The following TEX13D variants were observed in gnomAD, a reference collection of about 807,000 sequenced individuals.
TEX13D encodes the protein testis-expressed protein 13D.
For missense variants in TEX13D, 261 were observed against 265.8 expected, an observed-to-expected ratio of 0.98 and a Z score of 0.12; for synonymous variants, 115 against 104.5, an observed-to-expected ratio of 1.10 and a Z score of -0.61.
Position 124,333,889 on chromosome X carries a change from C to T in TEX13D, c.972C>T (p.Leu324=). The change falls in exon 1 of 1, where the codon CTC becomes CTT. Residue 324 remains leucine, a synonymous_variant. Coordinates refer to ENST00000632372, the MANE Select transcript of TEX13D (RefSeq NM_001355534.2). The stretch of plus-strand genomic sequence containing the variant: ...CAGAGAGGTCCCAAAGAATGCCCCT[C>T]CCCGGGGACAGTGGGTGCCACAACC... ...EGSERSQRMP[L]PGDSGCHNPL... 1 of 345,373 alleles carries T rather than the reference C, an allele frequency of 2.9e-6. No homozygotes were observed. The highest frequency in any genetic ancestry group is 4.7e-5 in the East Asian group (1 of 21,265). The allele number at this position is 345,373 out of a possible 1,213,427, so 28.5% of individuals were successfully genotyped here.
chrX:124,332,884 C>G lies in TEX13D; in HGVS notation c.-34C>G, dbSNP rs371283327. 1 of 348,649 alleles carries G rather than the reference C, an allele frequency of 2.9e-6. No individual in the cohort carries two copies. The highest frequency in any genetic ancestry group is 2.7e-5 in the African/African-American group (1 of 37,343). The allele number at this position is 348,649 out of a possible 1,213,427, so 28.7% of individuals were successfully genotyped here. A position where few individuals can be genotyped will look rare whatever the true frequency, so the allele number is the denominator to read the frequency against. On this transcript the variant is annotated 5_prime_UTR_variant, in exon 1 of 1. Coordinates refer to ENST00000632372, the MANE Select transcript of TEX13D (RefSeq NM_001355534.2). ...GGCGGCAGCAGCTGAGGCGACGCAC[C>G]GTGAGGCAGCTGCTTGACTAGGCCA...
In TEX13D at chrX:124,336,640, CT is replaced by C. The variant is rs2059973680; in HGVS notation, c.*1579del. On this transcript the variant is annotated 3_prime_UTR_variant, in exon 1 of 1. Transcript: ENST00000632372. ...GGGGCGAGCACTCTTGGGAATGCCC[CT>C]GGACCCTTCCTCTTTGGCGTGTTCT... The C allele has an allele frequency of 1.8e-5, 2 of 111,792 alleles. No homozygotes were observed. Among genetic ancestry groups the C allele is most frequent in the Admixed American group, 1.9e-4 (2 of 10,633 alleles). The allele number at this position is 111,792 out of a possible 1,213,427, so 9.2% of individuals were successfully genotyped here.
Position 124,333,260 on chromosome X carries a change from C to T in TEX13D, c.343C>T (p.Arg115Cys). Reference protein sequence around the residue: ...WALTSQLQQLRLEHEVAATQL... With the variant: ...WALTSQLQQLCLEHEVAATQL... Reference sequence around the variant, plus strand: ...TCTAACGTCCCAGCTGCAGCAGCTGCGCCTGGAGCATGAGGTGGCGGCAAC... The same window carrying T: ...TCTAACGTCCCAGCTGCAGCAGCTGTGCCTGGAGCATGAGGTGGCGGCAAC... The change falls in exon 1 of 1, where the codon CGC (arginine) becomes TGC (cysteine). Residue 115 changes from arginine to cysteine, a missense_variant. Arg to Cys is a radical substitution (Grantham distance 180). Coordinates refer to ENST00000632372, the MANE Select transcript of TEX13D (RefSeq NM_001355534.2). 1 of 444,394 alleles carries T rather than the reference C, an allele frequency of 2.3e-6. No individual in the cohort carries two copies. The highest frequency in any genetic ancestry group is 3.8e-5 in the Admixed American group (1 of 26,123). 36.6% of individuals were successfully genotyped at this position (444,394 alleles called of 1,213,427 possible).
Position 124,334,915 on chromosome X carries a change from C to T in TEX13D, c.1998C>T (p.Ser666=). The T allele has an allele frequency of 2.1e-6, 2 of 938,869 alleles. No individual in the cohort carries two copies. The highest frequency in any genetic ancestry group is 4.2e-5 in the East Asian group (1 of 24,091). The allele number at this position is 938,869 out of a possible 1,213,427, so 77.4% of individuals were successfully genotyped here. The change falls in exon 1 of 1, where the codon TCC becomes TCT. Residue 666 remains serine (S), a synonymous_variant. Transcript: ENST00000632372. ...KKPKVNKVSG[S]QQQEKPASFP... is the part of the protein sequence containing the mutation. Reference sequence around the variant, plus strand: ...CAAAAGTGAATAAAGTCTCGGGATCCCAGCAGCAGGAGAAGCCTGCCTCAT... The same window carrying T: ...CAAAAGTGAATAAAGTCTCGGGATCTCAGCAGCAGGAGAAGCCTGCCTCAT...
In TEX13D at chrX:124,333,881, A is replaced by G. The variant is rs2059967369; in HGVS notation, c.964A>G (p.Met322Val). The G allele has an allele frequency of 3.1e-6, 1 of 325,254 alleles. No homozygotes were observed. The highest frequency in any genetic ancestry group is 5.1e-6 in the Non-Finnish European group (1 of 196,705). 26.8% of individuals were successfully genotyped at this position (325,254 alleles called of 1,213,427 possible). The change falls in exon 1 of 1, where the codon ATG becomes GTG. Residue 322 changes from methionine to valine, a missense_variant. By Grantham distance (21) the Met-to-Val change is conservative. Transcript: ENST00000632372. ...AGAAGGTTCAGAGAGGTCCCAAAGA[A>G]TGCCCCTCCCCGGGGACAGTGGGTG... The part of the protein sequence containing the change: ...QGEGSERSQR[M>V]PLPGDSGCHN...
chrX:124,334,717 G>T lies in TEX13D; in HGVS notation c.1800G>T (p.Gln600His). 1 of 933,529 alleles carries T rather than the reference G, an allele frequency of 1.1e-6. No homozygotes were observed. The highest frequency in any genetic ancestry group is 1.3e-6 in the Non-Finnish European group (1 of 753,718). 76.9% of individuals were successfully genotyped at this position (933,529 alleles called of 1,213,427 possible). ...AGGGAGACAACAGAAGCTATAGCCA[G>T]GAAGGAAGCCGAGAGAGGGCCCAGG... ...VLQGDNRSYS[Q>H]EGSRERAQGM... Residue 600 changes from glutamine to histidine, a missense_variant, in exon 1 of 1, where the codon CAG (glutamine) becomes CAT (histidine). Gln to His is a conservative substitution (Grantham distance 24). Coordinates refer to ENST00000632372, the MANE Select transcript of TEX13D (RefSeq NM_001355534.2).
In TEX13D at chrX:124,335,303, C is replaced by T. The variant is rs2059971552; in HGVS notation, c.*241C>T. ...TTCTCATGTTATTCATTTACTTGAA[C>T]AGAGATGGACTACTTTTGATTTCTC... On this transcript the variant is annotated 3_prime_UTR_variant, in exon 1 of 1. Transcript: ENST00000632372. 1 of 210,215 alleles carries T rather than the reference C, an allele frequency of 4.8e-6. No homozygotes were observed. The highest frequency in any genetic ancestry group is 2.9e-5 in the African/African-American group (1 of 34,934). The allele number at this position is 210,215 out of a possible 1,213,427, so 17.3% of individuals were successfully genotyped here. A position where few individuals can be genotyped will look rare whatever the true frequency, so the allele number is the denominator to read the frequency against.
chrX:124,334,237 G>A lies in TEX13D; in HGVS notation c.1320G>A (p.Arg440=), dbSNP rs1226010530. 1 of 929,885 alleles carries A rather than the reference G, an allele frequency of 1.1e-6. No homozygotes were observed. Among genetic ancestry groups the A allele is most frequent in the Non-Finnish European group, 1.3e-6 (1 of 753,011 alleles). 76.6% of individuals were successfully genotyped at this position (929,885 alleles called of 1,213,427 possible). Residue 440 remains arginine (R), a synonymous_variant, in exon 1 of 1, where the codon AGG becomes AGA. Transcript: ENST00000632372. ...GGTGCAAACCAGAAGGTCCAAAGAG[G>A]CCCCAGTGGACTGTCCCCCTGGGGG... ...IRRCKPEGPK[R]PQWTVPLGDS... is the part of the protein sequence containing the mutation.
chrX:124,334,009 C>T lies in TEX13D; in HGVS notation c.1092C>T (p.Pro364=). 6.4e-6 allele frequency: 6 copies of T among 934,889 alleles called. No individual in the cohort carries two copies. Among genetic ancestry groups the T allele is most frequent in the Non-Finnish European group, 8.0e-6 (6 of 753,986 alleles). The allele number at this position is 934,889 out of a possible 1,213,427, so 77.0% of individuals were successfully genotyped here. The change falls in exon 1 of 1, where the codon CCC becomes CCT. Residue 364 remains proline (P), a synonymous_variant. Coordinates refer to ENST00000632372, the MANE Select transcript of TEX13D (RefSeq NM_001355534.2). The stretch of plus-strand genomic sequence containing the variant: ...CAGAAGGACCCCAGGGGATGGATCC[C>T]CTGGGGAACAGAGAGAGACAAAATC... The part of the protein sequence containing the change: ...EGTEGPQGMD[P]LGNRERQNQK...
chrX:124,334,022 G>T lies in TEX13D; in HGVS notation c.1105G>T (p.Glu369Ter). The change falls in exon 1 of 1, where the codon GAG becomes TAG. Residue 369 changes from glutamate (E) to a stop codon, truncating the protein, a stop_gained. Transcript: ENST00000632372. LOFTEE classifies it low-confidence loss of function (END_TRUNC). ...GGGGATGGATCCCCTGGGGAACAGAGAGAGACAAAATCAGAAAGAAGGTCC... is the reference window on the plus strand; with the variant it reads ...GGGGATGGATCCCCTGGGGAACAGATAGAGACAAAATCAGAAAGAAGGTCC... ...PQGMDPLGNR[E>*]RQNQKEGPKR... 1 of 935,335 alleles carries T rather than the reference G, an allele frequency of 1.1e-6. No individual in the cohort carries two copies. Among genetic ancestry groups the T allele is most frequent in the Non-Finnish European group, 1.3e-6 (1 of 754,701 alleles). The allele number at this position is 935,335 out of a possible 1,213,427, so 77.1% of individuals were successfully genotyped here.
rs1042682753 is a variant in TEX13D at position 124,332,865 on chromosome X, A to G, written c.-53A>G. ...AGCAGCCGGTACCGGAAGTGGCGGC[A>G]GCAGCTGAGGCGACGCACCGTGAGG... On this transcript the variant is annotated 5_prime_UTR_variant, in exon 1 of 1. Coordinates refer to ENST00000632372, the MANE Select transcript of TEX13D (RefSeq NM_001355534.2). 1 of 343,145 alleles carries G rather than the reference A, an allele frequency of 2.9e-6. No individual in the cohort carries two copies. The highest frequency in any genetic ancestry group is 5.0e-6 in the Non-Finnish European group (1 of 198,309). The allele number at this position is 343,145 out of a possible 1,213,427, so 28.3% of individuals were successfully genotyped here.
chrX:124,336,110 G>T lies in TEX13D; in HGVS notation c.*1048G>T, dbSNP rs1345242696. ...ATTTGGGATACAAATTAGATCAGGG[G>T]TATCTTCTTTGCCTTGCATGTAGTG... On this transcript the variant is annotated 3_prime_UTR_variant, in exon 1 of 1. Transcript: ENST00000632372. The T allele has an allele frequency of 2.7e-5, 3 of 111,932 alleles. No individual in the cohort carries two copies. Among genetic ancestry groups the T allele is most frequent in the Non-Finnish European group, 5.6e-5 (3 of 53,228 alleles). 9.2% of individuals were successfully genotyped at this position (111,932 alleles called of 1,213,427 possible). A position where few individuals can be genotyped will look rare whatever the true frequency, so the allele number is the denominator to read the frequency against.
rs2147514017 is a variant in TEX13D at position 124,333,174 on chromosome X, T to G, written c.257T>G (p.Leu86Arg). Residue 86 changes from leucine (L) to arginine (R), a missense_variant, in exon 1 of 1, where the codon CTG becomes CGG. Leu to Arg is a moderately radical substitution (Grantham distance 102, BLOSUM62 -2). Coordinates refer to ENST00000632372, the MANE Select transcript of TEX13D (RefSeq NM_001355534.2). Reference protein sequence around the residue: ...VRVATRQREELLHHVRRLQRH... With the variant: ...VRVATRQREERLHHVRRLQRH... ...GTGGCCACGAGGCAGCGGGAGGAGC[T>G]GCTGCACCACGTTCGGCGGCTGCAA... 1 of 461,829 alleles carries G rather than the reference T, an allele frequency of 2.2e-6. No individual in the cohort carries two copies. Among genetic ancestry groups the G allele is most frequent in the Non-Finnish European group, 3.8e-6 (1 of 263,006 alleles). The allele number at this position is 461,829 out of a possible 1,213,427, so 38.1% of individuals were successfully genotyped here.
At position 124,335,927 on chromosome X, in the gene TEX13D, G is replaced by A. The variant is rs1267753935; in HGVS notation, c.*865G>A. On this transcript the variant is annotated 3_prime_UTR_variant, in exon 1 of 1. Coordinates refer to ENST00000632372, the MANE Select transcript of TEX13D (RefSeq NM_001355534.2). ...AACTTGGAAGAGTTTGGGGGGTTGT[G>A]TTCAATTCTGTAGATGGTAGCAACT... 3.6e-5 allele frequency: 4 copies of A among 112,351 alleles called. No individual in the cohort carries two copies. The highest frequency in any genetic ancestry group is 5.6e-5 in the Non-Finnish European group (3 of 53,280). The allele number at this position is 112,351 out of a possible 1,213,427, so 9.3% of individuals were successfully genotyped here. A position where few individuals can be genotyped will look rare whatever the true frequency, so the allele number is the denominator to read the frequency against.
In TEX13D at chrX:124,336,361, A is replaced by G. The variant is rs1219985345; in HGVS notation, c.*1299A>G. On this transcript the variant is annotated 3_prime_UTR_variant, in exon 1 of 1. Coordinates refer to ENST00000632372, the MANE Select transcript of TEX13D (RefSeq NM_001355534.2). ...TGATTTCCTCCTTTGAGAGGGACAG[A>G]TATTTTCCTGGCTGCCAGTAAGCCT... The G allele has an allele frequency of 8.9e-6, 1 of 111,911 alleles. No homozygotes were observed. Among genetic ancestry groups the G allele is most frequent in the Non-Finnish European group, 1.9e-5 (1 of 53,198 alleles). 9.2% of individuals were successfully genotyped at this position (111,911 alleles called of 1,213,427 possible). A position where few individuals can be genotyped will look rare whatever the true frequency, so the allele number is the denominator to read the frequency against.
At position 124,335,077 on chromosome X, in the gene TEX13D, G is replaced by T; in HGVS notation, c.*15G>T. Reference sequence around the variant, plus strand: ...AAACTCAGTGATTTCAGGAAGGTAAGTAAGAATGGACACACTTCAAAGAGA... The same window carrying T: ...AAACTCAGTGATTTCAGGAAGGTAATTAAGAATGGACACACTTCAAAGAGA... On this transcript the variant is annotated 3_prime_UTR_variant, in exon 1 of 1. Transcript: ENST00000632372. 1 of 918,517 alleles carries T rather than the reference G, an allele frequency of 1.1e-6. No homozygotes were observed. The highest frequency in any genetic ancestry group is 1.4e-6 in the Non-Finnish European group (1 of 738,178). The allele number at this position is 918,517 out of a possible 1,213,427, so 75.7% of individuals were successfully genotyped here.
Position 124,334,016 on chromosome X carries a change from A to T in TEX13D, c.1099A>T (p.Asn367Tyr). The T allele has an allele frequency of 1.1e-6, 1 of 933,278 alleles. No homozygotes were observed. The highest frequency in any genetic ancestry group is 1.3e-6 in the Non-Finnish European group (1 of 753,230). 76.9% of individuals were successfully genotyped at this position (933,278 alleles called of 1,213,427 possible). The change falls in exon 1 of 1, where the codon AAC (asparagine) becomes TAC (tyrosine). Residue 367 changes from asparagine to tyrosine, a missense_variant. By Grantham distance (143) the Asn-to-Tyr change is moderately radical. Coordinates refer to ENST00000632372, the MANE Select transcript of TEX13D (RefSeq NM_001355534.2). ...EGPQGMDPLG[N>Y]RERQNQKEGP... ...ACCCCAGGGGATGGATCCCCTGGGG[A>T]ACAGAGAGAGACAAAATCAGAAAGA...
At position 124,333,895 on chromosome X, in the gene TEX13D, G is replaced by A. The variant is rs370587923; in HGVS notation, c.978G>A (p.Gly326=). The change falls in exon 1 of 1, where the codon GGG becomes GGA. Residue 326 remains glycine, a synonymous_variant. Transcript: ENST00000632372. The part of the protein sequence containing the change: ...SERSQRMPLP[G]DSGCHNPLSE... ...GGTCCCAAAGAATGCCCCTCCCCGG[G>A]GACAGTGGGTGCCACAACCCGCTGT... 8.3e-6 allele frequency: 3 copies of A among 362,276 alleles called. No homozygotes were observed. Among genetic ancestry groups the A allele is most frequent in the South Asian group, 1.6e-4 (1 of 6,159 alleles). The allele number at this position is 362,276 out of a possible 1,213,427, so 29.9% of individuals were successfully genotyped here. A position where few individuals can be genotyped will look rare whatever the true frequency, so the allele number is the denominator to read the frequency against.
Position 124,332,927 on chromosome X carries a change from A to G in TEX13D, c.10A>G (p.Asn4Asp), listed in dbSNP as rs112963210. ...CTAGGCCACAGCCGCCATGGCGATGAATTTTGGGGACCATGCCAGCGGCTT... is the reference window on the plus strand; with the variant it reads ...CTAGGCCACAGCCGCCATGGCGATGGATTTTGGGGACCATGCCAGCGGCTT... MAM[N>D]FGDHASGFRH... Residue 4 changes from asparagine to aspartate, a missense_variant, in exon 1 of 1, where the codon AAT becomes GAT. Coordinates refer to ENST00000632372, the MANE Select transcript of TEX13D (RefSeq NM_001355534.2). 0.022 allele frequency: 7,586 copies of G among 346,916 alleles called. 480 individuals are homozygous for G. Among genetic ancestry groups the G allele is most frequent in the African/African-American group, 0.18 (6,684 of 36,989 alleles). 28.6% of individuals were successfully genotyped at this position (346,916 alleles called of 1,213,427 possible). A position where few individuals can be genotyped will look rare whatever the true frequency, so the allele number is the denominator to read the frequency against.
Sources: gnomAD v4.1 joint callset for allele counts on GRCh38, gnomAD v4.1.1 for gene constraint, MANE v1.5 for transcripts, NCBI Gene and HGNC (gene_info 2026-07-23, HGNC 2026-07-21) for gene names.